Variants in HNF4G observed in about 807,000 individuals in gnomAD.
HNF4G encodes hepatocyte nuclear factor 4 gamma, also known as hepatocyte nuclear factor 4-gamma.
A neutral mutation model predicts 50.9 loss-of-function variants in HNF4G; 21 were observed. The ratio of observed to expected loss-of-function variants is 0.41; its 90% CI spans 0.29 to 0.59. HNF4G has a LOEUF of 0.59. Ranked by LOEUF, HNF4G falls within the 20% of genes least tolerant of loss-of-function variation. The pLI is 0.26. For synonymous variants in HNF4G, 198 were observed against 185.6 expected, an observed-to-expected ratio of 1.07 and a Z score of -0.54; for missense variants, 527 against 559.4, an observed-to-expected ratio of 0.94 and a Z score of 0.58.
At chr8:75,434,647 A>G (rs933443377) in intron 1 of HNF4G, among the ~76,000 whole-genome samples, 11 of 151,556 alleles carry the variant, frequency 7.3e-5, no homozygotes, top group Non-Finnish European at 2.9e-5. Context: ...GCTTAACAAA[A>G]TGATTCCAGA....
chr8:75,498,993 A>G (rs536456988), intron 2 of HNF4G, among the ~76,000 whole-genome samples: 1 of 152,198 alleles, frequency 6.6e-6, no homozygotes, highest in African/African-American at 2.4e-5. Context: ...TGTTTTTGCT[A>G]CTTCTATTTA....
chr8:75,513,487 A>G (rs1191425392), intron 2 of HNF4G, among the ~76,000 whole-genome samples: 3 of 152,206 alleles, frequency 2.0e-5, no homozygotes, highest in Non-Finnish European at 4.4e-5. Context: ...GAATATTCAC[A>G]GATTATTTTT....
intron 1 of HNF4G, among the ~76,000 whole-genome samples, chr8:75,428,938 T>A (rs1160536084): frequency 6.6e-6 from 1 of 152,082 alleles, no homozygotes; most frequent in East Asian, 1.9e-4. Context: ...GGAAGACCAG[T>A]CAAGAGAGTA....
intron 1 of HNF4G, among the ~76,000 whole-genome samples, chr8:75,419,814 T>C (rs1033477857): frequency 6.6e-6 from 1 of 152,236 alleles, no homozygotes; most frequent in Non-Finnish European, 1.5e-5. Context: ...ATAAATGTAT[T>C]AGGAACAGTG....
intron 2 of HNF4G, among the ~76,000 whole-genome samples, chr8:75,501,988 T>A (rs1283607503): frequency 6.6e-6 from 1 of 151,814 alleles, no homozygotes; most frequent in Admixed American, 6.6e-5. Flanking sequence ...GAGTAGCTGG[T>A]ACTACAGGCG....
At chr8:75,432,310 TTTTATTTA>T (rs1049990301) in intron 1 of HNF4G, among the ~76,000 whole-genome samples, 2 of 151,530 alleles carry the variant, frequency 1.3e-5, no homozygotes, top group Non-Finnish European at 2.9e-5. Flanking sequence ...AAAGAATTTG[TTTTATTTA>T]TTTATTTATT....
chr8:75,523,966 A>T (rs1173258487), intron 2 of HNF4G, among the ~76,000 whole-genome samples: 1 of 151,916 alleles, frequency 6.6e-6, no homozygotes, highest in Non-Finnish European at 1.5e-5. Context: ...TTTAATTTTA[A>T]TTAAAAATTA....
intron 2 of HNF4G, among the ~76,000 whole-genome samples, chr8:75,523,753 G>A (rs1378213563): frequency 6.6e-6 from 1 of 151,660 alleles, no homozygotes; most frequent in Non-Finnish European, 1.5e-5. Flanking sequence ...ATACTAAATA[G>A]AGTATTAAAT....
chr8:75,459,124 G>A (rs1056881092), intron 1 of HNF4G, among the ~76,000 whole-genome samples: 3 of 152,104 alleles, frequency 2.0e-5, no homozygotes, highest in African/African-American at 7.2e-5. Context: ...CAGGCAGAGT[G>A]GGATTATATA....
chr8:75,540,524 T>A (rs1462089560), intron 1 of HNF4G, among the ~76,000 whole-genome samples: 1 of 152,160 alleles, frequency 6.6e-6, no homozygotes, highest in Non-Finnish European at 1.5e-5. Context: ...TAATTCCAGT[T>A]CTCAATTGCT....
chr8:75,508,896 A>G (rs1480259339), intron 2 of HNF4G, among the ~76,000 whole-genome samples: 1 of 152,234 alleles, frequency 6.6e-6, no homozygotes, highest in African/African-American at 2.4e-5. Flanking sequence ...GTGGAATGCT[A>G]TTAAAGAGTT....
upstream of HNF4G, among the ~76,000 whole-genome samples, chr8:75,539,020 G>C (rs1806540329): frequency 6.6e-6 from 1 of 152,104 alleles, no homozygotes. Flanking sequence ...ATTTTCAGAA[G>C]TAAAATATAT....
chr8:75,457,099 C>G (rs964798600), intron 1 of HNF4G, among the ~76,000 whole-genome samples: 16 of 152,276 alleles, frequency 1.1e-4, no homozygotes, highest in African/African-American at 3.6e-4. Flanking sequence ...ATATCCAGAA[C>G]AGATCCATTG....
chr8:75,550,396 T>C (rs1806914213), intron 3 of HNF4G, among the ~76,000 whole-genome samples: 1 of 152,134 alleles, frequency 6.6e-6, no homozygotes, highest in Non-Finnish European at 1.5e-5. Context: ...CACTCTGACC[T>C]TCGCCTCTTG....
rs117539487 is a variant in HNF4G at position 75,416,676 on chromosome 8, G to A, written c.-144+8514G>A. On this transcript the variant is annotated intron_variant, in intron 1 of 10. Coordinates refer to the HNF4G transcript ENST00000354370. ...AGTTCAAAATCACTTTAAGAAAACT[G>A]CTGAAGTATTGTACAGCATGTCTAT... Among the ~76,000 whole-genome samples, 557 of 152,288 alleles carry A rather than the reference G, an allele frequency of 3.7e-3. 1 individual carries two copies. Among genetic ancestry groups the A allele is most frequent in the Non-Finnish European group, 6.9e-3 (466 of 68,024 alleles).
At chr8:75,423,324 C>T (rs1425449326) in intron 1 of HNF4G, among the ~76,000 whole-genome samples, 14 of 134,926 alleles carry the variant, frequency 1.0e-4, no homozygotes, top group Non-Finnish European at 1.9e-4. Context: ...ATATTTATGA[C>T]TTTTCTTTAT....
At chr8:75,530,614 G>C (rs1806302556) in intron 2 of HNF4G, among the ~76,000 whole-genome samples, 1 of 152,076 alleles carries the variant, frequency 6.6e-6, no homozygotes. Context: ...TAAAATGTAT[G>C]ATTTTGAGTT....
At position 75,526,105 on chromosome 8, in the gene HNF4G, AATTTATTTATTT is replaced by A. The variant is rs34542534; in HGVS notation, c.-23-17676_-23-17665del. On this transcript the variant is annotated intron_variant, in intron 2 of 10. Coordinates refer to the HNF4G transcript ENST00000354370. Reference sequence around the variant, plus strand: ...TATTTATGAATTCTCTACTTGCTCAAATTTATTTATTTATTTATTTATTTATTTATTTATTTA... The same window carrying A: ...TATTTATGAATTCTCTACTTGCTCAAATTTATTTATTTATTTATTTATTTA... Among the ~76,000 whole-genome samples, 50 of 143,818 alleles carry A rather than the reference AATTTATTTATTT, an allele frequency of 3.5e-4. 1 individual carries two copies. The highest frequency in any genetic ancestry group is 1.4e-3 in the South Asian group (6 of 4,384). The allele number at this position is 143,818 out of a possible 152,430, so 94.4% of individuals were successfully genotyped here.
chr8:75,511,876 C>T (rs1309739163), intron 2 of HNF4G, among the ~76,000 whole-genome samples: 1 of 152,228 alleles, frequency 6.6e-6, no homozygotes, highest in Non-Finnish European at 1.5e-5. Context: ...CCACGCCTGG[C>T]CTAGCTTGCC....
Sources: gnomAD v4.1 joint callset for allele counts (sites outside exome capture counted in the v4.1 genomes callset) on GRCh38, gnomAD v4.1.1 for gene constraint, MANE v1.5 for transcripts, NCBI Gene and HGNC (gene_info 2026-07-23, HGNC 2026-07-21) for gene names.